Variants in AGPS observed in about 807,000 individuals in gnomAD.
AGPS encodes the protein alkylglycerone phosphate synthase.
AGPS carries 26 observed loss-of-function variants against 90.7 expected under a neutral mutation model. The ratio of observed to expected loss-of-function variants is 0.29; its 90% confidence interval spans 0.21 to 0.40. The LOEUF is 0.40. Ranked by LOEUF, AGPS falls within the 10% of genes least tolerant of loss-of-function variation. The pLI is 1.00. For synonymous variants in AGPS, 294 were observed against 285.3 expected, an observed-to-expected ratio of 1.03 and a Z score of -0.31; for missense variants, 540 against 816.1, an observed-to-expected ratio of 0.66 and a Z score of 4.12.
chr2:177,429,211 T>C lies in AGPS; in HGVS notation c.351-5116T>C, dbSNP rs532179330. Among the ~76,000 whole-genome samples the C allele has an allele frequency of 8.5e-5, 13 of 152,292 alleles. No individual in the cohort carries two copies. In the South Asian group the frequency reaches 2.7e-3, roughly 32 times the overall value. ...GCTCTTCTGGTTTTCAGCTCCTGTA[T>C]TGTTTTATCATGATTCTTAGCTTTT... On this transcript the variant is annotated intron_variant, in intron 2 of 19. Coordinates refer to ENST00000264167, the MANE Select transcript of AGPS (RefSeq NM_003659.4).
chr2:177,464,947 T>C (rs1164973002), intron 9 of AGPS, among the ~76,000 whole-genome samples: 1 of 152,244 alleles, frequency 6.6e-6, no homozygotes, highest in African/African-American at 2.4e-5. Flanking sequence ...ATAATTGGAA[T>C]AGACAATTCA....
intron 1 of AGPS, among the ~76,000 whole-genome samples, chr2:177,417,747 T>C (rs1685827397): frequency 1.3e-5 from 2 of 152,204 alleles, no homozygotes; most frequent in Non-Finnish European, 2.9e-5. Flanking sequence ...TTTCAAATTC[T>C]GTGACTATAT....
chr2:177,459,753 G>A (rs962499919), intron 8 of AGPS, among the ~76,000 whole-genome samples: 2 of 152,222 alleles, frequency 1.3e-5, no homozygotes, highest in African/African-American at 4.8e-5. Context: ...GGAAGACAGT[G>A]TGGCAATTTC....
At chr2:177,482,653 C>G (rs938940932) in intron 11 of AGPS, among the ~76,000 whole-genome samples, 3 of 152,126 alleles carry the variant, frequency 2.0e-5, no homozygotes, top group Middle Eastern at 3.4e-3. Flanking sequence ...TTCATCAATT[C>G]ATAGAATGTG....
chr2:177,495,961 T>C (rs926513055), intron 12 of AGPS, among the ~76,000 whole-genome samples: 2 of 149,922 alleles, frequency 1.3e-5, no homozygotes, highest in African/African-American at 4.9e-5. Flanking sequence ...AGCTAGAATA[T>C]ATTTAAAATG....
At chr2:177,475,225 GAA>G (rs1197608565) in intron 10 of AGPS, among the ~76,000 whole-genome samples, 1 of 152,198 alleles carries the variant, frequency 6.6e-6, no homozygotes, top group Admixed American at 6.5e-5. Context: ...AGAGTGGAAA[GAA>G]TGACAGATAA....
intron 17 of AGPS, among the ~76,000 whole-genome samples, chr2:177,519,731 A>C (rs1689125411): frequency 6.6e-6 from 1 of 152,190 alleles, no homozygotes; most frequent in African/African-American, 2.4e-5. Flanking sequence ...TTGTTGCCAG[A>C]GTGTGACAGG....
chr2:177,460,279 C>G (rs1049630233), intron 8 of AGPS, among the ~76,000 whole-genome samples: 2 of 151,958 alleles, frequency 1.3e-5, no homozygotes, highest in African/African-American at 2.4e-5. Context: ...CAAAACTGCA[C>G]GTTCTGCACA....
chr2:177,530,103 G>A (rs1055513499), intron 19 of AGPS, among the ~76,000 whole-genome samples: 1 of 152,140 alleles, frequency 6.6e-6, no homozygotes, highest in Non-Finnish European at 1.5e-5. Context: ...TTAAAGAAAG[G>A]ATTACAGTGT....
At chr2:177,475,033 G>T (rs1183519506) in intron 10 of AGPS, among the ~76,000 whole-genome samples, 1 of 152,140 alleles carries the variant, frequency 6.6e-6, no homozygotes, top group Non-Finnish European at 1.5e-5. Flanking sequence ...TGTGAGTTTT[G>T]AGTTTGATCA....
At chr2:177,398,538 T>A (rs1043917440) in intron 1 of AGPS, among the ~76,000 whole-genome samples, 2 of 152,208 alleles carry the variant, frequency 1.3e-5, no homozygotes, top group Non-Finnish European at 2.9e-5. Context: ...GAGTCCATAT[T>A]CTTTCCTCTA....
In AGPS at chr2:177,540,118, A is replaced by T. The variant is rs1574043849; in HGVS notation, c.*1923A>T. ...ATGTATATGTTTCTGAGTAATTTTT[A>T]AAAAATAAAACAGGTTAATAAGAAG... On this transcript the variant is annotated 3_prime_UTR_variant, in exon 20 of 20. Coordinates refer to ENST00000264167, the MANE Select transcript of AGPS (RefSeq NM_003659.4). The T allele has an allele frequency of 1.3e-5, 2 of 150,044 alleles. No individual in the cohort carries two copies. Among genetic ancestry groups the T allele is most frequent in the East Asian group, 1.9e-4 (1 of 5,176 alleles). 9.3% of individuals were successfully genotyped at this position (150,044 alleles called of 1,614,324 possible).
intron 8 of AGPS, among the ~76,000 whole-genome samples, chr2:177,458,814 G>GA (rs1687198257): frequency 6.6e-6 from 1 of 152,076 alleles, no homozygotes; most frequent in Non-Finnish European, 1.5e-5. Flanking sequence ...CACAGAATTG[G>GA]AAAAAACTAC....
intron 12 of AGPS, among the ~76,000 whole-genome samples, chr2:177,494,664 C>G (rs1283650015): frequency 1.3e-5 from 2 of 152,074 alleles, no homozygotes; most frequent in African/African-American, 2.4e-5. Flanking sequence ...ATTACTATAC[C>G]TGAAAACATA....
chr2:177,512,767 C>T (rs1028296681), intron 16 of AGPS, among the ~76,000 whole-genome samples: 3 of 152,168 alleles, frequency 2.0e-5, no homozygotes, highest in Admixed American at 6.5e-5. Flanking sequence ...TACTTTACAT[C>T]GTTTGTCTTC....
In AGPS at chr2:177,541,474, CA is replaced by C. The variant is rs1317514975; in HGVS notation, c.*3280del. The C allele has an allele frequency of 6.6e-6, 1 of 152,160 alleles. No individual in the cohort carries two copies. Among genetic ancestry groups the C allele is most frequent in the Non-Finnish European group, 1.5e-5 (1 of 68,006 alleles). The allele number at this position is 152,160 out of a possible 1,614,324, so 9.4% of individuals were successfully genotyped here. ...TATAAATGCTAGAACACAGTTACTA[CA>C]GATTGATTCACAAACTGCATGTGCT... On this transcript the variant is annotated 3_prime_UTR_variant, in exon 20 of 20. Transcript: ENST00000264167.
chr2:177,459,308 A>C (rs1378386058), intron 8 of AGPS, among the ~76,000 whole-genome samples: 1 of 152,262 alleles, frequency 6.6e-6, no homozygotes, highest in Non-Finnish European at 1.5e-5. Context: ...AACAAAAGCC[A>C]AAATTGACAA....
chr2:177,393,748 CT>C (rs79768850), intron 1 of AGPS, among the ~76,000 whole-genome samples: 624 of 130,296 alleles, frequency 4.8e-3, no homozygotes, highest in South Asian at 0.014. Context: ...TTGGAGAAAT[CT>C]TTTTTTTTTT....
chr2:177,462,832 G>A (rs1296949451), intron 9 of AGPS, among the ~76,000 whole-genome samples: 1 of 152,138 alleles, frequency 6.6e-6, no homozygotes, highest in East Asian at 1.9e-4. Context: ...TTATGTAAGG[G>A]ACTTGAGTAC....
Sources: gnomAD v4.1 joint callset for allele counts (sites outside exome capture counted in the v4.1 genomes callset) on GRCh38, gnomAD v4.1.1 for gene constraint, MANE v1.5 for transcripts, NCBI Gene and HGNC (gene_info 2026-07-23, HGNC 2026-07-21) for gene names.